The following PHACTR1 variants were observed in gnomAD, a reference collection of about 807,000 sequenced individuals.
PHACTR1 encodes phosphatase and actin regulator 1, also known as RPEL repeat containing 1.
In PHACTR1, 16 loss-of-function variants were observed where a neutral mutation model predicts 69.2. That is an observed-to-expected ratio of 0.23 (90% confidence interval 0.16 to 0.35). PHACTR1 has a LOEUF of 0.35. Ranked by LOEUF, PHACTR1 falls within the 10% of genes least tolerant of loss-of-function variation. The pLI is 1.00. For missense variants in PHACTR1, 510 were observed against 734.7 expected (o/e 0.69, Z 3.54); for synonymous variants, 312 against 284.5 (o/e 1.10, Z -0.97).
At chr6:12,823,599 T>C (rs912920004) in intron 4 of PHACTR1, among the ~76,000 whole-genome samples, 7 of 152,194 alleles carry the variant, frequency 4.6e-5, no homozygotes, top group African/African-American at 1.7e-4. Flanking sequence ...AATGTGAAAG[T>C]TCTGGAACCA....
intron 7 of PHACTR1, among the ~76,000 whole-genome samples, chr6:13,201,074 A>G (rs1249834977): frequency 5.3e-5 from 8 of 152,194 alleles, no homozygotes; most frequent in Non-Finnish European, 1.2e-4. Flanking sequence ...CCTGAGGACC[A>G]CAGGGCAGTG....
At chr6:13,281,177 GTAA>G in intron 12 of PHACTR1, 1 of 1,233,990 alleles carries the variant, frequency 8.1e-7, no homozygotes, top group Non-Finnish European at 1.0e-6. Context: ...TAGGACATTA[GTAA>G]AATCCAGGTC....
intron 4 of PHACTR1, among the ~76,000 whole-genome samples, chr6:13,008,331 A>G (rs1799057074): frequency 6.6e-6 from 1 of 152,220 alleles, no homozygotes; most frequent in Non-Finnish European, 1.5e-5. Context: ...CAAGAGTCAG[A>G]AAGAATATTC....
chr6:12,957,549 G>A, intron 4 of PHACTR1: 2 of 985,518 alleles, frequency 2.0e-6, no homozygotes, highest in Non-Finnish European at 2.4e-6. Context: ...GTGAAGGTAA[G>A]AGGCAGTCTG....
Position 13,217,689 on chromosome 6 carries a change from T to G in PHACTR1, c.987-10127T>G, listed in dbSNP as rs555237519. Among the ~76,000 whole-genome samples, 168 of 152,360 alleles carry G rather than the reference T, an allele frequency of 1.1e-3. 1 individual carries two copies. Among genetic ancestry groups the G allele is most frequent in the African/African-American group, 3.6e-3 (150 of 41,584 alleles). On this transcript the variant is annotated intron_variant, in intron 8 of 14. Coordinates refer to ENST00000332995, the MANE Select transcript of PHACTR1 (RefSeq NM_030948.6). ...ACCCTCGTCTATATATAGAACAGCA[T>G]AGTTTCCTGCTGACTAAAGTTCAAC...
chr6:13,101,860 G>A (rs1815219497), intron 5 of PHACTR1, among the ~76,000 whole-genome samples: 1 of 152,208 alleles, frequency 6.6e-6, no homozygotes. Context: ...TCAGTGAAGA[G>A]CTCTTAACTC....
chr6:12,939,049 T>C (rs1414815036), intron 4 of PHACTR1, among the ~76,000 whole-genome samples: 1 of 152,210 alleles, frequency 6.6e-6, no homozygotes. Flanking sequence ...AAGCCCATAC[T>C]CTTAATTATT....
intron 4 of PHACTR1, among the ~76,000 whole-genome samples, chr6:12,969,966 A>G (rs1793983566): frequency 6.6e-6 from 1 of 150,958 alleles, no homozygotes; most frequent in Non-Finnish European, 1.5e-5. Context: ...CCATCTTAAA[A>G]CAAAAAACAA....
intron 10 of PHACTR1, among the ~76,000 whole-genome samples, chr6:13,239,155 C>T (rs189731519): frequency 2.8e-4 from 42 of 152,262 alleles, no homozygotes; most frequent in African/African-American, 8.9e-4. Flanking sequence ...GGGGGTGGCT[C>T]AGGCCAGGGA....
chr6:12,862,935 A>G (rs1287503992), intron 4 of PHACTR1, among the ~76,000 whole-genome samples: 5 of 152,210 alleles, frequency 3.3e-5, no homozygotes, highest in Non-Finnish European at 7.3e-5. Context: ...CTTCTTTGGA[A>G]GACATGGGTT....
In PHACTR1 at chr6:13,237,643, CA is replaced by C. The variant is rs564263583; in HGVS notation, c.1391+7453del. 5.9e-5 allele frequency among the ~76,000 whole-genome samples: 9 copies of C among 152,200 alleles called. No individual in the cohort carries two copies. The South Asian group carries it at 1.9e-3, about 32-fold the overall frequency. On this transcript the variant is annotated intron_variant, in intron 10 of 14. Coordinates refer to ENST00000332995, the MANE Select transcript of PHACTR1 (RefSeq NM_030948.6). ...ATTTAAAATTAGCATCTGTAGAATCCAAATTAGTTTGAATGTACAGTCATAC... is the reference window on the plus strand; with the variant it reads ...ATTTAAAATTAGCATCTGTAGAATCCAATTAGTTTGAATGTACAGTCATAC...
chr6:12,963,392 A>G (rs1178681419), intron 4 of PHACTR1, among the ~76,000 whole-genome samples: 1 of 152,138 alleles, frequency 6.6e-6, no homozygotes, highest in South Asian at 2.1e-4. Context: ...CCTCCATTCA[A>G]ACAGGAAAAT....
rs186582405 is a variant in PHACTR1 at position 12,720,108 on chromosome 6, C to G, written c.103+1261C>G. 9.2e-5 allele frequency among the ~76,000 whole-genome samples: 14 copies of G among 152,254 alleles called. 1 individual carries two copies. The highest frequency in any genetic ancestry group is 3.4e-4 in the African/African-American group (14 of 41,550). On this transcript the variant is annotated intron_variant, in intron 3 of 14. Transcript: ENST00000332995. ...AAAAGAGTGAGAGACTGGCCAGGAC[C>G]TCCAACCTCTTCTGGGTCTGCAAGT...
chr6:12,955,215 G>A (rs1428780969), intron 4 of PHACTR1, among the ~76,000 whole-genome samples: 1 of 70,884 alleles, frequency 1.4e-5, no homozygotes, highest in Admixed American at 1.3e-4. Flanking sequence ...TTTTTTTTGA[G>A]AGAGATAGCA....
chr6:13,224,708 A>C (rs1044575423), intron 8 of PHACTR1, among the ~76,000 whole-genome samples: 1 of 152,204 alleles, frequency 6.6e-6, no homozygotes, highest in Non-Finnish European at 1.5e-5. Context: ...CTTTGCCTCA[A>C]ATAGTACAGT....
intron 4 of PHACTR1, among the ~76,000 whole-genome samples, chr6:12,828,230 T>G (rs939456412): frequency 1.3e-5 from 2 of 152,224 alleles, no homozygotes; most frequent in Admixed American, 1.3e-4. Flanking sequence ...GACATTTTGC[T>G]TCTCTATTCT....
intron 8 of PHACTR1, among the ~76,000 whole-genome samples, chr6:13,207,108 A>G (rs770794930): frequency 6.6e-6 from 1 of 152,224 alleles, no homozygotes; most frequent in African/African-American, 2.4e-5. Context: ...TTGTGTCTCT[A>G]TAAGCATTAA....
chr6:12,914,833 G>A (rs1420517037), intron 4 of PHACTR1, among the ~76,000 whole-genome samples: 2 of 152,168 alleles, frequency 1.3e-5, no homozygotes, highest in African/African-American at 2.4e-5. Flanking sequence ...GACAAATTTG[G>A]AACTGGGACC....
At chr6:12,805,656 AAT>A (rs1774231975) in intron 4 of PHACTR1, among the ~76,000 whole-genome samples, 1 of 149,822 alleles carries the variant, frequency 6.7e-6, no homozygotes, top group Non-Finnish European at 1.5e-5. Context: ...GCTGGAGTGC[AAT>A]GGCAAGATCT....
Sources: allele counts gnomAD v4.1 joint callset (sites outside exome capture counted in the v4.1 genomes callset), GRCh38; gene constraint gnomAD v4.1.1; transcripts MANE v1.5; gene names NCBI Gene and HGNC (gene_info 2026-07-23, HGNC 2026-07-21).